The following GUCY1A2 variants were observed in gnomAD, a reference collection of about 807,000 sequenced individuals.
GUCY1A2 encodes guanylate cyclase soluble subunit alpha-2.
In GUCY1A2, 27 loss-of-function variants were observed where a neutral mutation model predicts 63.5. That is an observed-to-expected ratio of 0.43 (90% confidence interval 0.31 to 0.59). The LOEUF is 0.59. Ranked by LOEUF, GUCY1A2 falls within the 20% of genes least tolerant of loss-of-function variation. The pLI is 0.11. For synonymous variants in GUCY1A2, 364 were observed against 343.5 expected, an observed-to-expected ratio of 1.06 and a Z score of -0.66; for missense variants, 768 against 913.3, an observed-to-expected ratio of 0.84 and a Z score of 2.05.
chr11:106,757,245 C>T (rs1863990840), intron 6 of GUCY1A2, among the ~76,000 whole-genome samples: 1 of 152,050 alleles, frequency 6.6e-6, no homozygotes, highest in South Asian at 2.1e-4. Context: ...GTTAGCCATT[C>T]CTCTCATCTT....
At chr11:106,795,485 A>C (rs1864740581) in intron 5 of GUCY1A2, among the ~76,000 whole-genome samples, 2 of 152,174 alleles carry the variant, frequency 1.3e-5, no homozygotes, top group African/African-American at 2.4e-5. Context: ...GGACAATCTT[A>C]AGAACAGCAT....
chr11:106,901,451 T>TA (rs1254652258), intron 4 of GUCY1A2, among the ~76,000 whole-genome samples: 2 of 152,200 alleles, frequency 1.3e-5, no homozygotes, highest in African/African-American at 2.4e-5. Flanking sequence ...TCAATGTTCT[T>TA]AATGGCATCT....
chr11:106,763,019 GTTATT>G (rs1410446196), intron 6 of GUCY1A2, among the ~76,000 whole-genome samples: 1 of 151,922 alleles, frequency 6.6e-6, no homozygotes, highest in Non-Finnish European at 1.5e-5. Flanking sequence ...ATATTTATGA[GTTATT>G]TTAAGTATAG....
chr11:106,941,733 G>T (rs1860754572), intron 3 of GUCY1A2, among the ~76,000 whole-genome samples: 1 of 152,146 alleles, frequency 6.6e-6, no homozygotes. Context: ...AATAGTCAAA[G>T]CACATCTAAT....
intron 4 of GUCY1A2, among the ~76,000 whole-genome samples, chr11:106,829,549 T>C (rs1859023112): frequency 6.6e-6 from 1 of 152,188 alleles, no homozygotes. Context: ...TAATATTGAA[T>C]GTCAACTTGA....
intron 4 of GUCY1A2, among the ~76,000 whole-genome samples, chr11:106,939,199 AT>A (rs1230102721): frequency 2.0e-5 from 3 of 152,172 alleles, no homozygotes; most frequent in Non-Finnish European, 4.4e-5. Flanking sequence ...GAGTTCTATC[AT>A]TTTTGTAATT....
intron 7 of GUCY1A2, among the ~76,000 whole-genome samples, chr11:106,704,904 C>T (rs76552220): frequency 6.7e-6 from 1 of 150,178 alleles, no homozygotes; most frequent in Non-Finnish European, 1.5e-5. Context: ...ATATTATATG[C>T]ACTATTTAAA....
chr11:106,869,729 C>T (rs1170877360), intron 4 of GUCY1A2, among the ~76,000 whole-genome samples: 2 of 152,026 alleles, frequency 1.3e-5, no homozygotes, highest in Admixed American at 6.6e-5. Context: ...CTAGAAATAC[C>T]ATTTGACCCA....
At chr11:106,848,622 A>C (rs569571205) in intron 4 of GUCY1A2, among the ~76,000 whole-genome samples, 262 of 151,776 alleles carry the variant, frequency 1.7e-3, no homozygotes, top group Non-Finnish European at 2.2e-3. Context: ...TTTTGTTATA[A>C]ACAATTATGA....
chr11:106,738,823 T>C (rs573588766), intron 6 of GUCY1A2, among the ~76,000 whole-genome samples: 2 of 152,248 alleles, frequency 1.3e-5, no homozygotes, highest in East Asian at 3.9e-4. Flanking sequence ...AGTCAGGTAG[T>C]GTGATGCCTC....
chr11:107,010,651 CA>C (rs538912757), intron 1 of GUCY1A2, among the ~76,000 whole-genome samples: 2,242 of 150,440 alleles, frequency 0.015, 30 homozygotes, highest in South Asian at 0.047. Flanking sequence ...AATATACCAC[CA>C]AAAAAAAATT....
At chr11:106,723,360 T>C (rs1591248166) in intron 6 of GUCY1A2, among the ~76,000 whole-genome samples, 1 of 152,236 alleles carries the variant, frequency 6.6e-6, no homozygotes, top group African/African-American at 2.4e-5. Flanking sequence ...ACGATTCTTC[T>C]CTCCTAACAT....
chr11:106,725,920 G>C (rs998587968), intron 6 of GUCY1A2, among the ~76,000 whole-genome samples: 10 of 151,766 alleles, frequency 6.6e-5, no homozygotes, highest in African/African-American at 2.4e-4. Flanking sequence ...GCAGTACTCT[G>C]GGGGCAGGGA....
chr11:106,838,440 G>T (rs1328560970), intron 4 of GUCY1A2, among the ~76,000 whole-genome samples: 1 of 151,972 alleles, frequency 6.6e-6, no homozygotes, highest in African/African-American at 2.4e-5. Context: ...TGTAATTTCA[G>T]AGGGATCAAA....
intron 6 of GUCY1A2, among the ~76,000 whole-genome samples, chr11:106,728,698 A>C: frequency 6.6e-6 from 1 of 152,168 alleles, no homozygotes; most frequent in East Asian, 1.9e-4. Context: ...GTTAAAACTG[A>C]AGATGTAAAT....
At chr11:106,689,623 T>C (rs1350273359) in intron 7 of GUCY1A2, among the ~76,000 whole-genome samples, 1 of 152,008 alleles carries the variant, frequency 6.6e-6, no homozygotes, top group East Asian at 1.9e-4. Context: ...AAGCTCAACA[T>C]CACTGATCAT....
chr11:106,837,893 G>T (rs1011715821), intron 4 of GUCY1A2, among the ~76,000 whole-genome samples: 14 of 151,786 alleles, frequency 9.2e-5, no homozygotes, highest in African/African-American at 3.4e-4. Context: ...AATAGTTTTT[G>T]GTTATTTTTC....
chr11:106,997,851 T>C (rs1396699584), intron 1 of GUCY1A2, among the ~76,000 whole-genome samples: 1 of 152,088 alleles, frequency 6.6e-6, no homozygotes, highest in East Asian at 1.9e-4. Context: ...AGTGGGATAA[T>C]GTATGTGAAA....
At chr11:106,810,630 C>T in intron 4 of GUCY1A2, 152 bp from the exon 5 acceptor site, 1 of 587,938 alleles carries the variant, frequency 1.7e-6, no homozygotes. Context: ...TGATTTTCAG[C>T]CAGTTTAAAA....
Sources: allele counts gnomAD v4.1 joint callset (sites outside exome capture counted in the v4.1 genomes callset), GRCh38; gene constraint gnomAD v4.1.1; transcripts MANE v1.5; gene names NCBI Gene and HGNC (gene_info 2026-07-23, HGNC 2026-07-21).